The following WDFY4 variants were observed in gnomAD, a reference collection of about 807,000 sequenced individuals.
WDFY4 encodes the protein WDFY family member 4, also known as WD repeat- and FYVE domain-containing protein 4.
A neutral mutation model predicts 351.9 loss-of-function variants in WDFY4; 169 were observed. The ratio of observed to expected loss-of-function variants is 0.48; its 90% CI spans 0.42 to 0.55. The LOEUF (loss-of-function observed/expected upper bound fraction) is 0.55, where lower values mean the gene tolerates loss of function less well. WDFY4 is among the 20% of genes least tolerant of loss of function. WDFY4 has a pLI of 0.00. For synonymous variants in WDFY4, 1,622 were observed against 1,574.6 expected (o/e 1.03, Z -0.71); for missense variants, 3,803 against 3,935.6 (o/e 0.97, Z 0.90).
chr10:48,771,301 G>A (rs80277737), intron 13 of WDFY4, among the ~76,000 whole-genome samples: 69 of 152,244 alleles, frequency 4.5e-4, no homozygotes, highest in Middle Eastern at 3.4e-3. Flanking sequence ...CAACATACTC[G>A]ACCATTTTTA....
chr10:48,891,252 T>C (rs995349994), intron 44 of WDFY4, among the ~76,000 whole-genome samples: 1 of 152,200 alleles, frequency 6.6e-6, no homozygotes, highest in East Asian at 1.9e-4. Flanking sequence ...GATCAAGATC[T>C]GGGTTTTGCA....
At chr10:48,699,955 A>C (rs2063433545) in intron 1 of WDFY4, among the ~76,000 whole-genome samples, 1 of 152,108 alleles carries the variant, frequency 6.6e-6, no homozygotes, top group South Asian at 2.1e-4. Context: ...CAGAGGTATA[A>C]ATTCCTGAGA....
chr10:48,700,894 A>G (rs993276018), intron 1 of WDFY4, among the ~76,000 whole-genome samples: 1 of 152,226 alleles, frequency 6.6e-6, no homozygotes, highest in African/African-American at 2.4e-5. Flanking sequence ...TTATGAATTT[A>G]TAATTGTAGT....
chr10:48,962,984 A>T (rs1220480549), intron 53 of WDFY4, among the ~76,000 whole-genome samples: 1 of 152,174 alleles, frequency 6.6e-6, no homozygotes, highest in Admixed American at 6.5e-5. Flanking sequence ...TGTGCCAGGG[A>T]TGATTTAGAA....
At chr10:48,773,561 T>C (rs1156714479) in intron 13 of WDFY4, among the ~76,000 whole-genome samples, 2 of 152,244 alleles carry the variant, frequency 1.3e-5, no homozygotes, top group East Asian at 3.8e-4. Context: ...CTATGCACTC[T>C]TTTCTATGTG....
intron 47 of WDFY4, among the ~76,000 whole-genome samples, chr10:48,929,805 C>G (rs548574687): frequency 2.1e-4 from 32 of 152,272 alleles, no homozygotes; most frequent in Non-Finnish European, 2.9e-5. Flanking sequence ...GCTGGGCTGA[C>G]AGCCTTGGCC....
At chr10:48,828,721 T>A in intron 36 of WDFY4, 57 bp from the exon 37 acceptor site, 2 of 1,009,344 alleles carry the variant, frequency 2.0e-6, no homozygotes, top group Non-Finnish European at 1.5e-6. Context: ...AACAATAGAA[T>A]GGTCTCAAGG....
intron 13 of WDFY4, among the ~76,000 whole-genome samples, chr10:48,767,126 G>A (rs2065697296): frequency 6.6e-6 from 1 of 152,232 alleles, no homozygotes; most frequent in Non-Finnish European, 1.5e-5. Flanking sequence ...CTTGGAGTAA[G>A]GCTTGTGTTG....
intron 58 of WDFY4, 74 bp downstream of exon 58, chr10:48,975,115 C>T: frequency 6.5e-7 from 1 of 1,544,336 alleles, no homozygotes; most frequent in Non-Finnish European, 8.8e-7. Flanking sequence ...AGGAGAAAGC[C>T]CAGAGACACA....
chr10:48,737,664 G>A (rs1033661350), intron 11 of WDFY4, among the ~76,000 whole-genome samples: 1 of 152,210 alleles, frequency 6.6e-6, no homozygotes, highest in Non-Finnish European at 1.5e-5. Context: ...TAATTGCAGG[G>A]CCATAGAATC....
At chr10:48,747,336 A>G (rs972521529) in intron 12 of WDFY4, among the ~76,000 whole-genome samples, 5 of 152,148 alleles carry the variant, frequency 3.3e-5, no homozygotes, top group Non-Finnish European at 5.9e-5. Context: ...CTCAATGTAC[A>G]TTATTTTAAA....
intron 60 of WDFY4, among the ~76,000 whole-genome samples, chr10:48,981,025 T>C (rs1842783549): frequency 6.6e-6 from 1 of 152,238 alleles, no homozygotes; most frequent in Non-Finnish European, 1.5e-5. Flanking sequence ...AGCAAGGTAT[T>C]GTGGGGCATC....
intron 1 of WDFY4, among the ~76,000 whole-genome samples, chr10:48,707,987 G>A (rs10745282): frequency 0.84 from 128,013 of 152,024 alleles, 54,766 homozygotes; most frequent in East Asian, 0.92. Flanking sequence ...GTGCCCAACA[G>A]AAGCAAAAGT....
rs201210084 is a variant in WDFY4 at position 48,951,628 on chromosome 10, A to AG, written c.7977+4659_7977+4660insG. On this transcript the variant is annotated intron_variant, in intron 51 of 61. Transcript: ENST00000325239. ...AACAAACAAACAAAAACAAAGAAAC[A>AG]AAAAAAAGCACACATTTTGTAAAGA... Among the ~76,000 whole-genome samples the AG allele has an allele frequency of 3.6e-3, 532 of 147,738 alleles. 8 individuals are homozygous for AG. Among genetic ancestry groups the AG allele is most frequent in the African/African-American group, 0.012 (505 of 41,014 alleles).
chr10:48,807,239 G>A (rs1022497517), intron 27 of WDFY4, among the ~76,000 whole-genome samples: 1 of 152,204 alleles, frequency 6.6e-6, no homozygotes, highest in African/African-American at 2.4e-5. Flanking sequence ...GGCCAAGAGT[G>A]AACTTATTTA....
chr10:48,812,179 C>CTTTT (rs1355851618), intron 30 of WDFY4, among the ~76,000 whole-genome samples: 12 of 134,552 alleles, frequency 8.9e-5, no homozygotes, highest in African/African-American at 3.5e-4. Context: ...TCTTTCTTTT[C>CTTTT]TTTTTTTTTT....
At chr10:48,980,869 A>C (rs1842777084) in intron 60 of WDFY4, among the ~76,000 whole-genome samples, 2 of 152,216 alleles carry the variant, frequency 1.3e-5, no homozygotes, top group African/African-American at 4.8e-5. Context: ...TGAGTGAAGT[A>C]ACAATCATTG....
intron 1 of WDFY4, among the ~76,000 whole-genome samples, chr10:48,697,473 A>G (rs533445339): frequency 7.9e-5 from 12 of 152,210 alleles, no homozygotes; most frequent in Non-Finnish European, 1.6e-4. Flanking sequence ...CCGGCCTCCA[A>G]GGTGATCTGG....
intron 39 of WDFY4, among the ~76,000 whole-genome samples, chr10:48,853,332 A>C (rs2069019849): frequency 6.6e-6 from 1 of 152,204 alleles, no homozygotes; most frequent in African/African-American, 2.4e-5. Context: ...AAATGTCTTC[A>C]TGTCACACAA....
Sources: allele counts gnomAD v4.1 joint callset (sites outside exome capture counted in the v4.1 genomes callset), GRCh38; gene constraint gnomAD v4.1.1; transcripts MANE v1.5; gene names NCBI Gene and HGNC (gene_info 2026-07-23, HGNC 2026-07-21).